RGS6: variants seen among roughly 807,000 people sequenced by gnomAD.
RGS6 encodes regulator of G-protein signaling 6.
RGS6 carries 30 observed loss-of-function variants against 78.5 expected under a neutral mutation model. The ratio of observed to expected loss-of-function variants is 0.38; its 90% confidence interval spans 0.29 to 0.52. The LOEUF is 0.52. Ranked by LOEUF, RGS6 falls within the 20% of genes least tolerant of loss-of-function variation. The pLI is 0.85. For synonymous variants in RGS6, 206 were observed against 206.0 expected (o/e 1.00, Z 0.00); for missense variants, 495 against 609.7 (o/e 0.81, Z 1.98).
intron 12 of RGS6, 50 bp from the exon 13 acceptor site, chr14:72,495,102 G>A (rs2096627452): frequency 1.9e-6 from 2 of 1,032,440 alleles, no homozygotes; most frequent in African/African-American, 3.1e-5. Flanking sequence ...AGAATAAAGG[G>A]GTTTTCTAAG....
chr14:72,021,361 C>T (rs2088448275), intron 2 of RGS6, among the ~76,000 whole-genome samples: 1 of 152,092 alleles, frequency 6.6e-6, no homozygotes, highest in South Asian at 2.1e-4. Context: ...AGCACTGGAA[C>T]ACGTAAGCCA....
rs541090411 is a variant in RGS6 at position 72,406,831 on chromosome 14, C to T, written c.185-47697C>T. On this transcript the variant is annotated intron_variant, in intron 3 of 17. Transcript: ENST00000553525. Reference sequence around the variant, plus strand: ...TTTGGACTCGGAGGGAAGTCAGCCTCCTTAAAGCCGTATTCAGTAAGGAGA... The same window carrying T: ...TTTGGACTCGGAGGGAAGTCAGCCTTCTTAAAGCCGTATTCAGTAAGGAGA... Among the ~76,000 whole-genome samples the T allele has an allele frequency of 2.0e-5, 3 of 152,242 alleles. No homozygotes were observed. The South Asian group carries it at 6.2e-4, about 32-fold the overall frequency.
intron 2 of RGS6, among the ~76,000 whole-genome samples, chr14:72,169,330 G>T (rs552560759): frequency 6.6e-6 from 1 of 151,168 alleles, no homozygotes; most frequent in Admixed American, 6.6e-5. Flanking sequence ...ATTACAATAC[G>T]GATGTCTTCT....
the RGS6 span, among the ~76,000 whole-genome samples, chr14:71,882,819 C>A: frequency 0.18 from 27,701 of 152,136 alleles, 2,579 homozygotes; most frequent in East Asian, 0.27. Context: ...TTGTTTATAT[C>A]TTGCTCTGCT....
chr14:72,437,744 C>T (rs1380024268), intron 3 of RGS6, among the ~76,000 whole-genome samples: 1 of 152,142 alleles, frequency 6.6e-6, no homozygotes, highest in African/African-American at 2.4e-5. Flanking sequence ...TAGAAAGATG[C>T]CTGGCTCTGA....
chr14:72,456,903 C>A (rs1254070985), intron 4 of RGS6, among the ~76,000 whole-genome samples: 1 of 151,526 alleles, frequency 6.6e-6, no homozygotes, highest in South Asian at 2.1e-4. Context: ...GATGGCAAAA[C>A]CCTACCTCTA....
chr14:72,315,553 A>G (rs2069905582), intron 2 of RGS6, among the ~76,000 whole-genome samples: 1 of 152,186 alleles, frequency 6.6e-6, no homozygotes, highest in African/African-American at 2.4e-5. Flanking sequence ...TTTCTGGGGA[A>G]TCTTTTATTT....
chr14:72,394,337 G>A (rs1487658736), intron 3 of RGS6, among the ~76,000 whole-genome samples: 1 of 152,138 alleles, frequency 6.6e-6, no homozygotes, highest in African/African-American at 2.4e-5. Context: ...GAGATCACAT[G>A]CTTCACAAGG....
chr14:72,455,936 T>C (rs1472900216), intron 4 of RGS6, among the ~76,000 whole-genome samples: 1 of 152,250 alleles, frequency 6.6e-6, no homozygotes, highest in Non-Finnish European at 1.5e-5. Context: ...AAAATAATCG[T>C]TGTATTTCTG....
chr14:72,070,409 T>A (rs2094364917), intron 2 of RGS6, among the ~76,000 whole-genome samples: 1 of 152,240 alleles, frequency 6.6e-6, no homozygotes, highest in South Asian at 2.1e-4. Context: ...TGCAAACTCA[T>A]ATGAGTTTTC....
At chr14:72,193,376 C>G (rs1018657679) in intron 2 of RGS6, among the ~76,000 whole-genome samples, 19 of 152,340 alleles carry the variant, frequency 1.2e-4, no homozygotes, top group Non-Finnish European at 4.4e-5. Context: ...ACTGCTCCCT[C>G]TAATGGGAGG....
chr14:72,517,899 A>T (rs2096974147), intron 14 of RGS6, among the ~76,000 whole-genome samples: 1 of 152,208 alleles, frequency 6.6e-6, no homozygotes, highest in African/African-American at 2.4e-5. Flanking sequence ...GAATGAGTTC[A>T]TCTCCCAGGG....
chr14:72,572,991 T>G, the RGS6 span, among the ~76,000 whole-genome samples: 2 of 151,794 alleles, frequency 1.3e-5, no homozygotes, highest in Admixed American at 6.6e-5. Flanking sequence ...CCAAGCCTGT[T>G]TTTCGAAGTC....
intron 2 of RGS6, among the ~76,000 whole-genome samples, chr14:72,024,478 A>G (rs542754853): frequency 6.6e-6 from 1 of 152,194 alleles, no homozygotes; most frequent in Non-Finnish European, 1.5e-5. Flanking sequence ...CTCCAGGAGA[A>G]CACATGCTGC....
chr14:71,995,475 T>A (rs2095157717), intron 2 of RGS6, among the ~76,000 whole-genome samples: 1 of 152,218 alleles, frequency 6.6e-6, no homozygotes, highest in Admixed American at 6.5e-5. Context: ...GATCATTCTC[T>A]GAGTCAAGCT....
chr14:72,132,165 T>C (rs934717948), intron 2 of RGS6, among the ~76,000 whole-genome samples: 9 of 152,312 alleles, frequency 5.9e-5, no homozygotes, highest in Non-Finnish European at 8.8e-5. Context: ...CTGGCTTCAT[T>C]TCCTTATCCA....
chr14:72,616,547 A>G, the RGS6 span, among the ~76,000 whole-genome samples: 3 of 152,272 alleles, frequency 2.0e-5, no homozygotes, highest in Admixed American at 6.5e-5. Context: ...TTCTTCCCAG[A>G]CAAGCATGGC....
chr14:72,053,003 C>T (rs866084365), intron 2 of RGS6, among the ~76,000 whole-genome samples: 27 of 91,600 alleles, frequency 2.9e-4, no homozygotes, highest in African/African-American at 3.7e-4. Context: ...CTCTCTCTCT[C>T]TCTTTCTTTC....
intron 2 of RGS6, among the ~76,000 whole-genome samples, chr14:71,993,413 G>C: frequency 6.6e-6 from 1 of 152,210 alleles, no homozygotes. Flanking sequence ...TATAATAATA[G>C]TAATAATAAT....
Sources: gnomAD v4.1 joint callset for allele counts (sites outside exome capture counted in the v4.1 genomes callset) on GRCh38, gnomAD v4.1.1 for gene constraint, MANE v1.5 for transcripts, NCBI Gene and HGNC (gene_info 2026-07-23, HGNC 2026-07-21) for gene names.